Variants in NUP210L observed in about 807,000 individuals in gnomAD.
NUP210L encodes the protein nucleoporin 210 like, also known as nuclear pore membrane glycoprotein 210-like.
Under a neutral mutation model 208.5 loss-of-function variants are expected in NUP210L, and 74 were observed. The observed-to-expected ratio is 0.35, with a 90% confidence interval of 0.29 to 0.43. The LOEUF is 0.43. Among genes scored for constraint, NUP210L ranks in the 20% least tolerant of loss-of-function variants. The probability of loss-of-function intolerance (pLI) is 1.00; values close to 1 mark genes in which losing one functional copy is unlikely to be tolerated. For missense variants in NUP210L, 1,843 were observed against 2,289.4 expected (o/e 0.81, Z 3.98); for synonymous variants, 780 against 816.9 (o/e 0.95, Z 0.77).
At chr1:154,041,576 C>A (rs1368315924) in intron 27 of NUP210L, among the ~76,000 whole-genome samples, 1 of 151,770 alleles carries the variant, frequency 6.6e-6, no homozygotes, top group East Asian at 1.9e-4. Flanking sequence ...AGTGATCCAC[C>A]TGCCTCGGCC....
intron 16 of NUP210L, among the ~76,000 whole-genome samples, chr1:154,077,079 A>C (rs1354093664): frequency 6.6e-6 from 1 of 152,124 alleles, no homozygotes; most frequent in East Asian, 1.9e-4. Flanking sequence ...ACACATTCAA[A>C]GTAAAAGAAA....
chr1:154,071,125 A>T (rs1429078474), intron 16 of NUP210L, among the ~76,000 whole-genome samples: 1 of 148,522 alleles, frequency 6.7e-6, no homozygotes, highest in Non-Finnish European at 1.5e-5. Flanking sequence ...GAGACAGGGT[A>T]TCTCTCAGTT....
chr1:154,155,009 G>A (rs749625431), exon 1 of NUP210L: 77 of 1,612,602 alleles, frequency 4.8e-5, no homozygotes, highest in Middle Eastern at 1.6e-4. Flanking sequence ...AGAGCCCGAA[G>A]CCTCGGCGTC....
intron 4 of NUP210L, among the ~76,000 whole-genome samples, chr1:154,140,997 G>GAA (rs57099838): frequency 1.6e-4 from 10 of 63,070 alleles, no homozygotes; most frequent in East Asian, 4.8e-4. Context: ...CCATCTCGAA[G>GAA]AAAAAAAAAA....
At chr1:154,113,718 C>T (rs549936622) in intron 12 of NUP210L, among the ~76,000 whole-genome samples, 2 of 151,652 alleles carry the variant, frequency 1.3e-5, no homozygotes, top group African/African-American at 4.8e-5. Flanking sequence ...ATTAGCCAGG[C>T]GTGGTGGCAC....
exon 17 of NUP210L, chr1:154,070,382 T>C: frequency 6.2e-7 from 1 of 1,613,494 alleles, no homozygotes. Context: ...CTAGCATTAG[T>C]GAACTGAAAT....
intron 20 of NUP210L, among the ~76,000 whole-genome samples, chr1:154,059,060 C>T (rs1366570049): frequency 6.6e-6 from 1 of 152,126 alleles, no homozygotes; most frequent in Non-Finnish European, 1.5e-5. Context: ...CAAGGCTGGG[C>T]GTGGTGGCAC....
Position 154,046,057 on chromosome 1 carries a change from G to A in NUP210L, c.3696+12C>T, listed in dbSNP as rs766599917. 7.5e-6 allele frequency: 12 copies of A among 1,610,548 alleles called. No homozygotes were observed. The East Asian group carries it at 2.7e-4, about 36-fold the overall frequency. Reference sequence around the variant, plus strand: ...ATCCCTAAGATAACACAATAAACAGGCAAATTCTTACCTCTGAATGCCTGG... The same window carrying A: ...ATCCCTAAGATAACACAATAAACAGACAAATTCTTACCTCTGAATGCCTGG... On this transcript the variant is annotated intron_variant, in intron 27 of 39. Coordinates refer to ENST00000368559, the Ensembl canonical transcript of NUP210L.
At chr1:154,060,180 A>T (rs916882709) in intron 20 of NUP210L, among the ~76,000 whole-genome samples, 1 of 152,196 alleles carries the variant, frequency 6.6e-6, no homozygotes, top group Admixed American at 6.5e-5. Flanking sequence ...TGGAGGTTGC[A>T]GTGAGCCGAG....
At chr1:154,036,390 G>A (rs1357501141) in intron 27 of NUP210L, among the ~76,000 whole-genome samples, 2 of 90,402 alleles carry the variant, frequency 2.2e-5, no homozygotes, top group African/African-American at 7.4e-5. Flanking sequence ...TTTTTTTGGA[G>A]TTTCACTCTT....
At chr1:154,001,684 CTT>C in intron 36 of NUP210L, 49 bp downstream of exon 36, 1 of 1,579,276 alleles carries the variant, frequency 6.3e-7, no homozygotes, top group Non-Finnish European at 8.7e-7. Context: ...TGAAAACTAT[CTT>C]TTCAAATTCC....
chr1:154,152,573 A>G (rs1659453536), intron 2 of NUP210L, among the ~76,000 whole-genome samples, 163 bp downstream of exon 2: 1 of 151,766 alleles, frequency 6.6e-6, no homozygotes, highest in African/African-American at 2.4e-5. Context: ...CAGCCTCCCA[A>G]AGTGCTGGGA....
chr1:154,106,659 GGAGA>G (rs1171968802), intron 12 of NUP210L, among the ~76,000 whole-genome samples: 2 of 152,122 alleles, frequency 1.3e-5, no homozygotes, highest in African/African-American at 4.8e-5. Context: ...AGCTTAGCAG[GGAGA>G]GAGAGAGACT....
intron 27 of NUP210L, among the ~76,000 whole-genome samples, chr1:154,036,020 A>G (rs1231095192): frequency 6.6e-6 from 1 of 152,054 alleles, no homozygotes; most frequent in Non-Finnish European, 1.5e-5. Flanking sequence ...GGCGTGAGCC[A>G]CCGCGCCTGG....
At chr1:154,078,597 A>C (rs983664142) in intron 16 of NUP210L, among the ~76,000 whole-genome samples, 2 of 151,144 alleles carry the variant, frequency 1.3e-5, no homozygotes, top group African/African-American at 2.4e-5. Flanking sequence ...TCTGTCTCAA[A>C]AAAAAAAAAA....
intron 27 of NUP210L, among the ~76,000 whole-genome samples, chr1:154,038,349 T>A (rs529989535): frequency 1.3e-5 from 2 of 150,960 alleles, no homozygotes; most frequent in South Asian, 4.2e-4. Flanking sequence ...TTTTTTTTTT[T>A]TTTTATTTTT....
intron 33 of NUP210L, among the ~76,000 whole-genome samples, chr1:154,013,451 G>A (rs1447897016): frequency 1.3e-5 from 2 of 152,056 alleles, no homozygotes; most frequent in African/African-American, 4.8e-5. Flanking sequence ...GAGCGTGCCT[G>A]TAATCCCAGC....
exon 40 of NUP210L, chr1:153,992,898 C>T: frequency 6.2e-7 from 1 of 1,613,362 alleles, no homozygotes; most frequent in South Asian, 1.1e-5. Flanking sequence ...GTTGTAGACT[C>T]ATGAAGTGAG....
At chr1:154,002,317 C>T (rs979879349) in intron 35 of NUP210L, among the ~76,000 whole-genome samples, 5 of 152,090 alleles carry the variant, frequency 3.3e-5, no homozygotes, top group African/African-American at 1.2e-4. Flanking sequence ...CAGGCTCTGG[C>T]GATCCTCCCA....
Sources: gnomAD v4.1 joint callset for allele counts (sites outside exome capture counted in the v4.1 genomes callset) on GRCh38, gnomAD v4.1.1 for gene constraint, MANE v1.5 for transcripts, NCBI Gene and HGNC (gene_info 2026-07-23, HGNC 2026-07-21) for gene names.